The following STK3 variants were observed in gnomAD, a reference collection of about 807,000 sequenced individuals.
STK3 encodes serine/threonine-protein kinase 3.
Under a neutral mutation model 58.0 loss-of-function variants are expected in STK3, and 41 were observed. That is an observed-to-expected ratio of 0.71 (90% CI 0.55 to 0.92). The LOEUF (loss-of-function observed/expected upper bound fraction) is 0.92. Among genes scored for constraint, STK3 ranks in the 40% least tolerant of loss-of-function variants. The probability of loss-of-function intolerance (pLI) is 0.00; values close to 1 mark genes in which losing one functional copy is unlikely to be tolerated. For synonymous variants in STK3, 170 were observed against 191.0 expected (o/e 0.89, Z 0.91); for missense variants, 479 against 602.7 (o/e 0.79, Z 2.15).
At chr8:98,378,710 A>G (rs1407813484) in intron 2 of STK3, among the ~76,000 whole-genome samples, 1 of 152,064 alleles carries the variant, frequency 6.6e-6, no homozygotes, top group Non-Finnish European at 1.5e-5. Context: ...TATTAATTTC[A>G]GGCTCCAGTC....
chr8:98,376,018 C>A (rs141436699), intron 2 of STK3, among the ~76,000 whole-genome samples: 1 of 152,232 alleles, frequency 6.6e-6, no homozygotes, highest in Non-Finnish European at 1.5e-5. Flanking sequence ...TGGGGCTATC[C>A]CATTTTGCAT....
intron 1 of STK3, among the ~76,000 whole-genome samples, chr8:98,890,192 G>A (rs1003882760): frequency 6.6e-6 from 1 of 152,210 alleles, no homozygotes; most frequent in Non-Finnish European, 1.5e-5. Context: ...TCTGGCCCTT[G>A]CTGGAGTAAA....
intron 6 of STK3, among the ~76,000 whole-genome samples, chr8:98,613,294 T>C (rs1415823050): frequency 6.6e-6 from 1 of 151,910 alleles, no homozygotes; most frequent in African/African-American, 2.4e-5. Context: ...AATGGGGAAA[T>C]AGGTCCTGTT....
intron 10 of STK3, among the ~76,000 whole-genome samples, chr8:98,513,370 C>T (rs1380341815): frequency 1.3e-5 from 2 of 152,138 alleles, no homozygotes; most frequent in African/African-American, 4.8e-5. Flanking sequence ...CCAAGTTGCA[C>T]AGCACCAAGA....
chr8:98,615,146 C>A (rs1209104449), intron 6 of STK3, among the ~76,000 whole-genome samples: 1 of 151,758 alleles, frequency 6.6e-6, no homozygotes, highest in East Asian at 1.9e-4. Flanking sequence ...CAAGTGGGTC[C>A]CTGACCCCTG....
At chr8:98,934,135 C>T (rs1218970835) in intron 1 of STK3, among the ~76,000 whole-genome samples, 3 of 152,158 alleles carry the variant, frequency 2.0e-5, no homozygotes, top group Non-Finnish European at 4.4e-5. Flanking sequence ...TAGCAGTTGC[C>T]GACCAAGTCT....
chr8:98,541,430 T>G (rs1162920483), intron 9 of STK3, among the ~76,000 whole-genome samples: 2 of 152,136 alleles, frequency 1.3e-5, no homozygotes, highest in Non-Finnish European at 2.9e-5. Context: ...CCTTCCACCA[T>G]GATTGCAGGT....
intron 3 of STK3, chr8:98,875,274 T>C (rs916528988): frequency 6.6e-6 from 1 of 152,192 alleles, no homozygotes; most frequent in Non-Finnish European, 1.5e-5. Context: ...TTAAGGATGT[T>C]GGTACCATAG....
chr8:98,817,035 A>G (rs2131708612), intron 1 of STK3, among the ~76,000 whole-genome samples: 1 of 152,356 alleles, frequency 6.6e-6, no homozygotes, highest in South Asian at 2.1e-4. Context: ...CTAATGTTTT[A>G]TTTTGCAATA....
chr8:98,499,495 T>G (rs966258075), intron 10 of STK3, among the ~76,000 whole-genome samples: 1 of 152,158 alleles, frequency 6.6e-6, no homozygotes, highest in African/African-American at 2.4e-5. Context: ...AGGTGCATGA[T>G]AGAAAATACT....
chr8:98,508,997 G>A (rs1824296814), intron 10 of STK3, among the ~76,000 whole-genome samples: 1 of 151,900 alleles, frequency 6.6e-6, no homozygotes, highest in Non-Finnish European at 1.5e-5. Flanking sequence ...AAAATAAAAA[G>A]GTTTTCAAAA....
At chr8:98,582,458 T>TTTTATCAGAGACTAGGATTGC in intron 7 of STK3, among the ~76,000 whole-genome samples, 1 of 152,144 alleles carries the variant, frequency 6.6e-6, no homozygotes, top group South Asian at 2.1e-4. Flanking sequence ...TCTCCTATAT[T>TTTTATCAGAGACTAGGATTGC]AACCCCTAGT....
chr8:98,703,519 T>C (rs368587613), intron 6 of STK3, among the ~76,000 whole-genome samples: 2 of 152,202 alleles, frequency 1.3e-5, no homozygotes, highest in South Asian at 2.1e-4. Flanking sequence ...GAGATTCTGA[T>C]TTAATCTGTT....
intron 6 of STK3, among the ~76,000 whole-genome samples, chr8:98,668,200 A>C (rs1395444413): frequency 1.3e-5 from 2 of 152,190 alleles, no homozygotes; most frequent in Admixed American, 1.3e-4. Context: ...TACAGGTAAG[A>C]TGAGGTGTAC....
At chr8:98,379,414 C>A (rs1817709842) in intron 1 of STK3, among the ~76,000 whole-genome samples, 1 of 152,182 alleles carries the variant, frequency 6.6e-6, no homozygotes, top group Non-Finnish European at 1.5e-5. Flanking sequence ...ATAATGCAAT[C>A]ACTCCACTCA....
intron 6 of STK3, among the ~76,000 whole-genome samples, chr8:98,682,565 T>C (rs545364242): frequency 1.2e-3 from 190 of 152,272 alleles, no homozygotes; most frequent in African/African-American, 3.9e-3. Flanking sequence ...ATCCCAGATG[T>C]AATAAAGATG....
intron 10 of STK3, among the ~76,000 whole-genome samples, chr8:98,502,723 T>C (rs974340928): frequency 6.6e-6 from 1 of 152,246 alleles, no homozygotes; most frequent in Non-Finnish European, 1.5e-5. Context: ...TTTGCATATG[T>C]TGAACCAGCC....
At chr8:98,917,580 T>C (rs943394759) in intron 1 of STK3, among the ~76,000 whole-genome samples, 1 of 152,178 alleles carries the variant, frequency 6.6e-6, no homozygotes, top group African/African-American at 2.4e-5. Flanking sequence ...TATTTGTCAT[T>C]TGAGGACATG....
chr8:98,444,915 C>T (rs1818870398), intron 1 of STK3, among the ~76,000 whole-genome samples: 1 of 152,070 alleles, frequency 6.6e-6, no homozygotes, highest in South Asian at 2.1e-4. Flanking sequence ...TTGAATATTG[C>T]TGTTGAATTC....
Sources: gnomAD v4.1 joint callset for allele counts (sites outside exome capture counted in the v4.1 genomes callset) on GRCh38, gnomAD v4.1.1 for gene constraint, MANE v1.5 for transcripts, NCBI Gene and HGNC (gene_info 2026-07-23, HGNC 2026-07-21) for gene names.